The following ERICH3 variants were observed in gnomAD, a reference collection of about 807,000 sequenced individuals.
The protein encoded by ERICH3 is glutamate-rich protein 3.
A neutral mutation model predicts 131.1 loss-of-function variants in ERICH3; 126 were observed. That is an observed-to-expected ratio of 0.96 (90% CI 0.83 to 1.11). ERICH3 has a LOEUF of 1.11. Ranked by LOEUF, ERICH3 falls within the 50% of genes most tolerant of loss-of-function variation. The pLI is 0.00. For missense variants in ERICH3, 2,050 were observed against 1,810.7 expected (o/e 1.13, Z -2.40); for synonymous variants, 695 against 644.6 (o/e 1.08, Z -1.18).
At chr1:74,651,855 A>T (rs1440555238) in intron 1 of ERICH3, among the ~76,000 whole-genome samples, 1 of 152,102 alleles carries the variant, frequency 6.6e-6, no homozygotes, top group African/African-American at 2.4e-5. Flanking sequence ...AACTTCTTTA[A>T]TATTTAGATC....
At chr1:74,645,716 A>C (rs1038211693) in intron 3 of ERICH3, among the ~76,000 whole-genome samples, 9 of 152,134 alleles carry the variant, frequency 5.9e-5, no homozygotes, top group African/African-American at 2.2e-4. Context: ...AGGGCCAAAA[A>C]CAACAATTCT....
At chr1:74,608,418 C>T (rs1413713163) in intron 9 of ERICH3, among the ~76,000 whole-genome samples, 1 of 151,946 alleles carries the variant, frequency 6.6e-6, no homozygotes, top group Non-Finnish European at 1.5e-5. Flanking sequence ...GATCAGAAAG[C>T]AGTCAAGACT....
At chr1:74,590,510 G>A (rs945368626) in intron 11 of ERICH3, among the ~76,000 whole-genome samples, 1 of 152,192 alleles carries the variant, frequency 6.6e-6, no homozygotes, top group African/African-American at 2.4e-5. Context: ...ATTCTCATAA[G>A]GAGCTCACAA....
In ERICH3 at chr1:74,572,664, C is replaced by T. The variant is rs1223596682; in HGVS notation, c.3046G>A (p.Gly1016Arg). Residue 1016 changes from glycine (G) to arginine (R), a missense_variant, in exon 14 of 15, where the codon GGA becomes AGA. Coordinates refer to ENST00000326665, the MANE Select transcript of ERICH3 (RefSeq NM_001002912.5). ...MQVSEGSPEE[G>R]SLAKEAFLCK... ...AGGAAGGCTTCCTTTGCAAGGCTTC[C>T]TTCCTCAGGGCTGCCCTCCGAAACC... 1.9e-6 allele frequency: 3 copies of T among 1,614,032 alleles called. No individual in the cohort carries two copies. Among genetic ancestry groups the T allele is most frequent in the Non-Finnish European group, 2.5e-6 (3 of 1,180,002 alleles).
At chr1:74,656,594 T>G (rs1379870975) in intron 1 of ERICH3, among the ~76,000 whole-genome samples, 2 of 152,194 alleles carry the variant, frequency 1.3e-5, no homozygotes, top group Non-Finnish European at 2.9e-5. Flanking sequence ...TCAAGTAAAA[T>G]GCTAGGACTA....
In ERICH3 at chr1:74,572,356, G is replaced by C. The variant is rs989801836; in HGVS notation, c.3354C>G (p.Pro1118=). 3.7e-6 allele frequency: 6 copies of C among 1,613,540 alleles called. No homozygotes were observed. The highest frequency in any genetic ancestry group is 4.2e-6 in the Non-Finnish European group (5 of 1,179,984). ...EVRAEEETKA[P]PNEMGSDAEN... ...CAGCATCAGATCCCATTTCATTTGG[G>C]GGAGCTTTTGTCTCTTCCTCAGCTC... Residue 1118 remains proline, a synonymous_variant, in exon 14 of 15, where the codon CCC becomes CCG. Transcript: ENST00000326665.
At position 74,571,199 on chromosome 1, in the gene ERICH3, G is replaced by A. The variant is rs760801282; in HGVS notation, c.4511C>T (p.Thr1504Ile). ...MATLPVKPDF[T>I]ETREKQQHMV... ...ATGCTGTTGCTTCTCTCGGGTTTCA[G>A]TGAAATCAGGCTTCACTGGAAGTGT... The change falls in exon 14 of 15, where the codon ACT becomes ATT. Residue 1504 changes from threonine (T) to isoleucine (I), a missense_variant. By Grantham distance (89) the Thr-to-Ile change is moderately conservative. Coordinates refer to ENST00000326665, the MANE Select transcript of ERICH3 (RefSeq NM_001002912.5). 1.2e-6 allele frequency: 2 copies of A among 1,614,118 alleles called. No homozygotes were observed. Among genetic ancestry groups the A allele is most frequent in the South Asian group, 2.2e-5 (2 of 91,082 alleles).
chr1:74,661,844 C>G (rs1245094887), intron 1 of ERICH3, among the ~76,000 whole-genome samples: 1 of 152,184 alleles, frequency 6.6e-6, no homozygotes, highest in Non-Finnish European at 1.5e-5. Flanking sequence ...GAATTTAAAG[C>G]TACATCCTTC....
chr1:74,617,894 A>G (rs1649046788), intron 8 of ERICH3, among the ~76,000 whole-genome samples: 1 of 152,204 alleles, frequency 6.6e-6, no homozygotes, highest in Admixed American at 6.5e-5. Flanking sequence ...GTCAATGATA[A>G]AAGAAAAATA....
intron 12 of ERICH3, chr1:74,579,854 C>T (rs1647144918): frequency 3.0e-6 from 3 of 984,870 alleles, no homozygotes; most frequent in Admixed American, 6.2e-5. Flanking sequence ...ATTGTCAGTT[C>T]TCACAGCATT....
intron 7 of ERICH3, chr1:74,621,974 T>C (rs1232083298): frequency 6.6e-6 from 1 of 152,198 alleles, no homozygotes; most frequent in Non-Finnish European, 1.5e-5. Context: ...ACAAAAAATG[T>C]GCAGAGACCA....
chr1:74,606,864 A>C lies in ERICH3; in HGVS notation c.1226T>G (p.Leu409Trp), dbSNP rs895536527. The change falls in exon 10 of 15, where the codon TTG (leucine) becomes TGG (tryptophan). Residue 409 changes from leucine to tryptophan, a missense_variant. By Grantham distance (61) the Leu-to-Trp change is moderately conservative. Coordinates refer to ENST00000326665, the MANE Select transcript of ERICH3 (RefSeq NM_001002912.5). ...GCTCTTTTCTTTCCTAGATTTCGGC[A>C]AAGACGGTTTTTTGTCAAGGCCCAT... ...IAMGLDKKPS[L>W]PKSRKEKSTE... 6.2e-7 allele frequency: 1 copy of C among 1,611,942 alleles called. No individual in the cohort carries two copies. Among genetic ancestry groups the C allele is most frequent in the Non-Finnish European group, 8.5e-7 (1 of 1,179,104 alleles).
rs1293991565 is a variant in ERICH3, at chr1:74,571,247, G to T, written c.4463C>A (p.Pro1488Gln). ...LSREGERELSPESLQAMATLP... is the reference protein window; with the variant it reads ...LSREGERELSQESLQAMATLP... ...TGTTGCCATCGCCTGTAGACTCTCC[G>T]GACTCAATTCCCTCTCTCCCTCCCG... The change falls in exon 14 of 15, where the codon CCG becomes CAG. Residue 1488 changes from proline to glutamine, a missense_variant. Transcript: ENST00000326665. The T allele has an allele frequency of 1.9e-6, 3 of 1,613,826 alleles. No individual in the cohort carries two copies. The highest frequency in any genetic ancestry group is 2.5e-6 in the Non-Finnish European group (3 of 1,179,968).
Position 74,571,673 on chromosome 1 carries a change from C to G in ERICH3, c.4037G>C (p.Gly1346Ala). ...RVVAVEVLHG[G>A]GETAETAAEE... The stretch of plus-strand genomic sequence containing the variant: ...TGCGGCTGTTTCTGCCGTTTCACCA[C>G]CTCCGTGTAGAACTTCCACAGCCAC... The change falls in exon 14 of 15, where the codon GGT becomes GCT. Residue 1346 changes from glycine to alanine, a missense_variant. Coordinates refer to ENST00000326665, the MANE Select transcript of ERICH3 (RefSeq NM_001002912.5). 6.2e-7 allele frequency: 1 copy of G among 1,614,188 alleles called. No homozygotes were observed. The highest frequency in any genetic ancestry group is 8.5e-7 in the Non-Finnish European group (1 of 1,180,026).
At chr1:74,641,270 A>T in intron 5 of ERICH3, 61 bp downstream of exon 5, 1 of 1,577,462 alleles carries the variant, frequency 6.3e-7, no homozygotes, top group Non-Finnish European at 8.6e-7. Context: ...CCTTCTGAGA[A>T]TAAGAAATAA....
chr1:74,577,742 C>T (rs1330600581), intron 12 of ERICH3, among the ~76,000 whole-genome samples: 1 of 152,000 alleles, frequency 6.6e-6, no homozygotes, highest in African/African-American at 2.4e-5. Context: ...AGAGAGCAGC[C>T]AGGAGCAGTG....
At chr1:74,585,421 A>G (rs1401341606) in intron 12 of ERICH3, among the ~76,000 whole-genome samples, 2 of 152,196 alleles carry the variant, frequency 1.3e-5, no homozygotes, top group Non-Finnish European at 2.9e-5. Context: ...ATACTATAAA[A>G]TAGTGAGAAG....
intron 2 of ERICH3, among the ~76,000 whole-genome samples, chr1:74,648,350 C>T (rs17095700): frequency 0.027 from 4,178 of 152,190 alleles, 184 homozygotes; most frequent in African/African-American, 0.095. Flanking sequence ...CTGAGAGGTG[C>T]ATGCCATCAT....
At chr1:74,571,052 C>T (rs1205954978) in intron 14 of ERICH3, 47 bp downstream of exon 14, 20 of 1,550,484 alleles carry the variant, frequency 1.3e-5, no homozygotes, top group Non-Finnish European at 1.6e-5. Context: ...GGAGACCCAC[C>T]GCAGGGCTGC....
Sources: allele counts gnomAD v4.1 joint callset (sites outside exome capture counted in the v4.1 genomes callset), GRCh38; gene constraint gnomAD v4.1.1; transcripts MANE v1.5; gene names NCBI Gene and HGNC (gene_info 2026-07-23, HGNC 2026-07-21).